CSNK2A2: variants seen among roughly 807,000 people sequenced by gnomAD.
CSNK2A2 encodes casein kinase II subunit alpha'.
In CSNK2A2, 8 loss-of-function variants were observed where a neutral mutation model predicts 54.0. That is an observed-to-expected ratio of 0.15 (90% CI 0.09 to 0.27). CSNK2A2 has a LOEUF of 0.27. Ranked by LOEUF, CSNK2A2 falls within the 10% of genes least tolerant of loss-of-function variation. The pLI, the probability that CSNK2A2 is intolerant of heterozygous loss-of-function variation, is 1.00. For missense variants in CSNK2A2, 242 were observed against 439.4 expected (o/e 0.55, Z 4.02); for synonymous variants, 141 against 153.9 (o/e 0.92, Z 0.62).
intron 9 of CSNK2A2, among the ~76,000 whole-genome samples, chr16:58,166,053 A>G (rs1400476454): frequency 1.3e-5 from 2 of 152,234 alleles, no homozygotes; most frequent in African/African-American, 4.8e-5. Context: ...TCCCAGGGCT[A>G]GCCTCAGAAA....
intron 10 of CSNK2A2, among the ~76,000 whole-genome samples, chr16:58,164,911 C>G (rs37360): frequency 6.6e-6 from 1 of 152,170 alleles, no homozygotes; most frequent in Non-Finnish European, 1.5e-5. Context: ...GAACGTTTCC[C>G]TCTTGATTCA....
At chr16:58,163,522 A>T (rs902703953) in intron 11 of CSNK2A2, 1 of 152,142 alleles carries the variant, frequency 6.6e-6, no homozygotes, top group African/African-American at 2.4e-5. Flanking sequence ...TTTCCTGGAG[A>T]GCTCATGTCA....
At chr16:58,187,514 A>G (rs756637294) in intron 2 of CSNK2A2, among the ~76,000 whole-genome samples, 1 of 152,244 alleles carries the variant, frequency 6.6e-6, no homozygotes, top group Non-Finnish European at 1.5e-5. Flanking sequence ...CTAACTTTTC[A>G]GTCTGCTGGA....
intron 4 of CSNK2A2, among the ~76,000 whole-genome samples, chr16:58,180,132 C>A (rs1422201979): frequency 6.8e-6 from 1 of 148,062 alleles, no homozygotes; most frequent in Non-Finnish European, 1.5e-5. Context: ...TTTAATTCAA[C>A]TCAAGAAATG....
rs776712843 is a variant in CSNK2A2, at chr16:58,197,647, G to A, written c.90C>T (p.His30=). 15 of 1,572,430 alleles carry A rather than the reference G, an allele frequency of 9.5e-6. No individual in the cohort carries two copies. The highest frequency in any genetic ancestry group is 1.8e-5 in the Admixed American group (1 of 56,606). Residue 30 remains histidine, a synonymous_variant, in exon 1 of 12, where the codon CAC becomes CAT. Coordinates refer to ENST00000262506, the MANE Select transcript of CSNK2A2 (RefSeq NM_001896.4). The surrounding 1 kb of genome is among the most constrained non-coding windows in gnomAD (Gnocchi z 4.0). ...RSREYWDYEA[H]VPSWGNQDDY... ...GACGGCTTTACCCCCAGCTCGGGAC[G>A]TGAGCCTCGTAGTCCCAGTACTCGC...
At chr16:58,161,966 C>T (rs188605498) in intron 11 of CSNK2A2, 3 of 152,326 alleles carry the variant, frequency 2.0e-5, no homozygotes, top group Admixed American at 6.5e-5. Flanking sequence ...AATCACCTGA[C>T]TATTCTCCTC....
chr16:58,179,457 G>A (rs1181885512), intron 4 of CSNK2A2, among the ~76,000 whole-genome samples: 1 of 151,128 alleles, frequency 6.6e-6, no homozygotes, highest in Non-Finnish European at 1.5e-5. Context: ...GCCAAGATCA[G>A]GTCACTGCAC....
At chr16:58,185,148 T>A (rs1962156983) in intron 3 of CSNK2A2, among the ~76,000 whole-genome samples, 1 of 151,352 alleles carries the variant, frequency 6.6e-6, no homozygotes. Flanking sequence ...ACTTAAGGGG[T>A]TATAGAAAAA....
chr16:58,196,999 A>C (rs1962472374), intron 1 of CSNK2A2, 155 bp from the exon 2 acceptor site: 1 of 655,920 alleles, frequency 1.5e-6, no homozygotes, highest in Admixed American at 2.1e-5. Flanking sequence ...GCCACGACAT[A>C]ATCTTGGCTC....
intron 5 of CSNK2A2, among the ~76,000 whole-genome samples, chr16:58,170,934 C>G (rs1244311442): frequency 6.6e-6 from 1 of 152,082 alleles, no homozygotes; most frequent in East Asian, 1.9e-4. Context: ...TAACAAGCAC[C>G]TGAATCCTAC....
chr16:58,185,317 A>C (rs1000614618), intron 3 of CSNK2A2, among the ~76,000 whole-genome samples: 12 of 152,202 alleles, frequency 7.9e-5, no homozygotes, highest in African/African-American at 2.9e-4. Context: ...CGAAGCTGTA[A>C]GGGTTTCATC....
At chr16:58,172,643 G>GTAA (rs1177300805) in intron 5 of CSNK2A2, among the ~76,000 whole-genome samples, 1 of 152,220 alleles carries the variant, frequency 6.6e-6, no homozygotes, top group Non-Finnish European at 1.5e-5. Context: ...AACAAATACA[G>GTAA]TAAGGTAATT....
chr16:58,179,452 GATCAGGTC>G (rs1961968231), intron 4 of CSNK2A2, among the ~76,000 whole-genome samples: 1 of 151,460 alleles, frequency 6.6e-6, no homozygotes, highest in African/African-American at 2.4e-5. Flanking sequence ...AGTGAGCCAA[GATCAGGTC>G]ACTGCACTCC....
In CSNK2A2 at chr16:58,197,931, C is replaced by A. The variant is rs1454148504; in HGVS notation, c.-195G>T. On this transcript the variant is annotated 5_prime_UTR_variant, in exon 1 of 12. Transcript: ENST00000262506. The surrounding 1 kb of genome is among the most constrained non-coding windows in gnomAD (Gnocchi z 4.0). ...GGCTGGGGGCGCGGGGGGCGCCGGC[C>A]GAGCCGGCCCGGCCCTGGAGCGGCC... is the stretch of plus-strand genomic sequence containing the variant. The A allele has an allele frequency of 2.9e-5, 4 of 137,326 alleles. No homozygotes were observed. Among genetic ancestry groups the A allele is most frequent in the Non-Finnish European group, 6.4e-5 (4 of 62,732 alleles). 8.5% of individuals were successfully genotyped at this position (137,326 alleles called of 1,614,324 possible). A position where few individuals can be genotyped will look rare whatever the true frequency, so the allele number is the denominator to read the frequency against.
intron 11 of CSNK2A2, chr16:58,161,520 C>CAG (rs1247356776): frequency 1.7e-5 from 2 of 118,228 alleles, no homozygotes; most frequent in African/African-American, 8.8e-5. Flanking sequence ...AAATATTAGA[C>CAG]ACACAGACAC....
chr16:58,189,237 T>C (rs749729964), intron 2 of CSNK2A2, among the ~76,000 whole-genome samples: 2 of 152,218 alleles, frequency 1.3e-5, no homozygotes, highest in East Asian at 1.9e-4. Flanking sequence ...ATTACAGGCA[T>C]GAGCAACTGC....
chr16:58,174,444 C>T lies in CSNK2A2; in HGVS notation c.429+7G>A. The T allele has an allele frequency of 6.3e-7, 1 of 1,599,392 alleles. No homozygotes were observed. Among genetic ancestry groups the T allele is most frequent in the Non-Finnish European group, 8.5e-7 (1 of 1,171,154 alleles). ...AAAAAAATTAATGGTTTATGAACAC[C>T]ACTTACTTTAAGTAGTTCATACATA... On this transcript the variant is annotated splice_region_variant and intron_variant, in intron 5 of 11. Coordinates refer to ENST00000262506, the MANE Select transcript of CSNK2A2 (RefSeq NM_001896.4).
chr16:58,165,773 G>C, intron 9 of CSNK2A2, 65 bp from the exon 10 acceptor site: 1 of 1,517,368 alleles, frequency 6.6e-7, no homozygotes, highest in Non-Finnish European at 8.9e-7. Context: ...TATCTACTAG[G>C]GCTAAAGCCA....
intron 7 of CSNK2A2, 110 bp from the exon 8 acceptor site, chr16:58,167,418 ATAAT>A (rs1961597811): frequency 4.0e-6 from 3 of 745,220 alleles, no homozygotes; most frequent in Admixed American, 6.4e-5. Flanking sequence ...ATGGCCATAG[ATAAT>A]TTATTTAAAA....
Sources: gnomAD v4.1 joint callset for allele counts (sites outside exome capture counted in the v4.1 genomes callset) on GRCh38, gnomAD v4.1.1 for gene constraint, Gnocchi (gnomAD v3.1) non-coding constraint, MANE v1.5 for transcripts, NCBI Gene and HGNC (gene_info 2026-07-23, HGNC 2026-07-21) for gene names.